RFX1: variants seen among roughly 807,000 people sequenced by gnomAD.
RFX1 encodes regulatory factor X1, also known as MHC class II regulatory factor RFX1.
Under a neutral mutation model 119.6 loss-of-function variants are expected in RFX1, and 42 were observed. The observed-to-expected ratio is 0.35, with a 90% CI of 0.27 to 0.45. The LOEUF (loss-of-function observed/expected upper bound fraction) is 0.45, where lower values mean the gene tolerates loss of function less well. Ranked by LOEUF, RFX1 falls within the 20% of genes least tolerant of loss-of-function variation. The pLI, the probability that RFX1 is intolerant of heterozygous loss-of-function variation, is 1.00. For synonymous variants in RFX1, 628 were observed against 618.5 expected (o/e 1.02, Z -0.23); for missense variants, 1,118 against 1,368.1 (o/e 0.82, Z 2.88).
intron 1 of RFX1, among the ~76,000 whole-genome samples, chr19:14,002,630 A>G (rs550781589): frequency 5.3e-5 from 8 of 152,204 alleles, no homozygotes; most frequent in Non-Finnish European, 1.0e-4. Flanking sequence ...CAGTCTATCA[A>G]CTGCTGAGAC....
At chr19:13,977,015 A>AT (rs1491280547) in intron 8 of RFX1, among the ~76,000 whole-genome samples, 1 of 149,206 alleles carries the variant, frequency 6.7e-6, no homozygotes. Context: ...AGAAAAAAAA[A>AT]GTCCAGTGCG....
Position 13,962,432 on chromosome 19 carries a change from C to A in RFX1, c.*263G>T, listed in dbSNP as rs534462937. On this transcript the variant is annotated 3_prime_UTR_variant, in exon 21 of 21. Coordinates refer to ENST00000254325, the MANE Select transcript of RFX1 (RefSeq NM_002918.5). ...CCTGGGAGGGGGGCGGCCAAGGGGC[C>A]GAGCTGGATGCCCCGCGGGGCACCT... is the stretch of plus-strand genomic sequence containing the variant. 8.2e-6 allele frequency: 4 copies of A among 489,152 alleles called. No homozygotes were observed. The highest frequency in any genetic ancestry group is 7.7e-5 in the East Asian group (2 of 26,098). The allele number at this position is 489,152 out of a possible 1,614,324, so 30.3% of individuals were successfully genotyped here.
At chr19:13,970,945 G>A (rs552904535) in intron 9 of RFX1, among the ~76,000 whole-genome samples, 28 of 151,892 alleles carry the variant, frequency 1.8e-4, no homozygotes, top group African/African-American at 5.8e-4. Context: ...AGGCTGCAGT[G>A]AGCCAAGATC....
rs1320295661 is a variant in RFX1, at chr19:13,966,696, C to T, written c.1788G>A (p.Leu596=). 6.2e-7 allele frequency: 1 copy of T among 1,611,726 alleles called. No individual in the cohort carries two copies. Among genetic ancestry groups the T allele is most frequent in the African/African-American group, 1.3e-5 (1 of 74,970 alleles). ...FTELDLQGKV[L]PEGVGPGDIK... ...TGTCCCCGGGCCCGACGCCCTCAGGCAGCACCTTGCCCTGGAGGTCGAGCT... is the reference window on the plus strand; with the variant it reads ...TGTCCCCGGGCCCGACGCCCTCAGGTAGCACCTTGCCCTGGAGGTCGAGCT... The change falls in exon 13 of 21, where the codon CTG becomes CTA. Residue 596 remains leucine (L), a synonymous_variant. Transcript: ENST00000254325. The surrounding 1 kb of genome is among the most constrained non-coding windows in gnomAD (Gnocchi z 6.3).
In RFX1 at chr19:13,983,606, G is replaced by A. The variant is rs771187898; in HGVS notation, c.320-11C>T. ...CCCGCATGGCACCTTCTGTGGGGAG[G>A]GGCCACCAGGTCAGTTCTTCCTGCT... On this transcript the variant is annotated splice_polypyrimidine_tract_variant and intron_variant, in intron 2 of 20. Transcript: ENST00000254325. The A allele has an allele frequency of 6.3e-7, 1 of 1,584,226 alleles. No homozygotes were observed. The highest frequency in any genetic ancestry group is 8.6e-7 in the Non-Finnish European group (1 of 1,167,288).
rs893759360 is a variant in RFX1, at chr19:13,986,153, C to T, written c.320-2558G>A. Reference sequence around the variant, plus strand: ...GTGACCGGCACTGCACACCTGGGTCCGTGGGGTCCAAGGACTCAGGCCCAG... The same window carrying T: ...GTGACCGGCACTGCACACCTGGGTCTGTGGGGTCCAAGGACTCAGGCCCAG... On this transcript the variant is annotated intron_variant, in intron 2 of 20. Coordinates refer to ENST00000254325, the MANE Select transcript of RFX1 (RefSeq NM_002918.5). The surrounding 1 kb of genome is among the most constrained non-coding windows in gnomAD (Gnocchi z 4.2). Among the ~76,000 whole-genome samples the T allele has an allele frequency of 1.1e-4, 17 of 152,310 alleles. No homozygotes were observed. The highest frequency in any genetic ancestry group is 2.4e-4 in the African/African-American group (10 of 41,572).
At chr19:13,981,674 G>A (rs1282669916) in intron 5 of RFX1, among the ~76,000 whole-genome samples, 1 of 152,146 alleles carries the variant, frequency 6.6e-6, no homozygotes, top group Non-Finnish European at 1.5e-5. Flanking sequence ...ATCTGACCCC[G>A]AGCTCCTGAT....
chr19:13,966,826 G>T lies in RFX1; in HGVS notation c.1733-75C>A. The T allele has an allele frequency of 1.0e-6, 1 of 1,000,948 alleles. No homozygotes were observed. Among genetic ancestry groups the T allele is most frequent in the Non-Finnish European group, 1.5e-6 (1 of 676,158 alleles). 62.0% of individuals were successfully genotyped at this position (1,000,948 alleles called of 1,614,324 possible). ...ACCCTGGGGTCCTACTGACCTGTCCGTTTCCCATCAGACTGGGGTCCCCCA... is the reference window on the plus strand; with the variant it reads ...ACCCTGGGGTCCTACTGACCTGTCCTTTTCCCATCAGACTGGGGTCCCCCA... On this transcript the variant is annotated intron_variant, in intron 12 of 20. Transcript: ENST00000254325. The surrounding 1 kb of genome is among the most constrained non-coding windows in gnomAD (Gnocchi z 6.3).
Position 13,969,012 on chromosome 19 carries a change from C to T in RFX1, c.1497-118G>A, listed in dbSNP as rs1276844932. On this transcript the variant is annotated intron_variant, in intron 10 of 20. Coordinates refer to ENST00000254325, the MANE Select transcript of RFX1 (RefSeq NM_002918.5). The surrounding 1 kb of genome is among the most constrained non-coding windows in gnomAD (Gnocchi z 4.5). ...AGGAGAATGGATAGAGAGACGCCTG[C>T]CCTGCAGAGACGGGGGTGCTGCACT... 2 of 1,184,204 alleles carry T rather than the reference C, an allele frequency of 1.7e-6. No individual in the cohort carries two copies. The highest frequency in any genetic ancestry group is 2.6e-5 in the East Asian group (1 of 38,830). The allele number at this position is 1,184,204 out of a possible 1,614,324, so 73.4% of individuals were successfully genotyped here. A position where few individuals can be genotyped will look rare whatever the true frequency, so the allele number is the denominator to read the frequency against.
intron 18 of RFX1, 47 bp from the exon 19 acceptor site, chr19:13,963,322 A>ACCCCCTCT: frequency 1.3e-6 from 2 of 1,558,436 alleles, no homozygotes; most frequent in Non-Finnish European, 1.7e-6. Flanking sequence ...GTCCGGCCCG[A>ACCCCCTCT]CCCCCTCTCC....
At chr19:13,978,239 G>A (rs1273331305) in intron 7 of RFX1, among the ~76,000 whole-genome samples, 153 bp from the exon 8 acceptor site, 1 of 152,202 alleles carries the variant, frequency 6.6e-6, no homozygotes, top group Non-Finnish European at 1.5e-5. Context: ...CCCTGGAGGA[G>A]GCCAGGGCTG....
chr19:13,965,555 G>A lies in RFX1; in HGVS notation c.2114-9C>T, dbSNP rs759582073. 9 of 1,613,386 alleles carry A rather than the reference G, an allele frequency of 5.6e-6. No individual in the cohort carries two copies. The highest frequency in any genetic ancestry group is 2.7e-5 in the African/African-American group (2 of 75,008). On this transcript the variant is annotated splice_polypyrimidine_tract_variant and intron_variant, in intron 15 of 20. Transcript: ENST00000254325. This position sits in a 1 kb window ranked among gnomAD's most constrained non-coding sequence, Gnocchi z 4.7. ...CGCTTGGGTCAAGGCACCTGTGGGC[G>A]GTGGCGGGGGTCGGTCAGGGCAGGG...
intron 5 of RFX1, among the ~76,000 whole-genome samples, chr19:13,981,102 A>G (rs11669756): frequency 0.12 from 18,504 of 152,112 alleles, 1,279 homozygotes; most frequent in Middle Eastern, 0.16. Flanking sequence ...CCACTTCCCA[A>G]TGGAGGGGCA....
At chr19:13,982,543 C>T (rs886581518) in intron 4 of RFX1, among the ~76,000 whole-genome samples, 1 of 152,164 alleles carries the variant, frequency 6.6e-6, no homozygotes, top group Non-Finnish European at 1.5e-5. Context: ...GTGGCTCACA[C>T]CTGTAATCCC....
chr19:13,969,679 C>A lies in RFX1; in HGVS notation c.1496+315G>T, dbSNP rs1017795675. 3 of 269,314 alleles carry A rather than the reference C, an allele frequency of 1.1e-5. No individual in the cohort carries two copies. The highest frequency in any genetic ancestry group is 1.4e-5 in the Non-Finnish European group (2 of 142,656). 16.7% of individuals were successfully genotyped at this position (269,314 alleles called of 1,614,324 possible). A position where few individuals can be genotyped will look rare whatever the true frequency, so the allele number is the denominator to read the frequency against. ...TGTCTCCAAAAAAAAAAAAAAGTCA[C>A]GTGTGAGCGTGCTGAATGCTAAAGA... is the stretch of plus-strand genomic sequence containing the variant. On this transcript the variant is annotated intron_variant, in intron 10 of 20. Coordinates refer to ENST00000254325, the MANE Select transcript of RFX1 (RefSeq NM_002918.5). The surrounding 1 kb of genome is among the most constrained non-coding windows in gnomAD (Gnocchi z 4.5).
intron 2 of RFX1, among the ~76,000 whole-genome samples, chr19:13,992,077 T>C (rs1216756566): frequency 6.6e-6 from 1 of 151,602 alleles, no homozygotes; most frequent in African/African-American, 2.4e-5. Flanking sequence ...CCATTCCCAC[T>C]CTGAGAAGGA....
intron 5 of RFX1, among the ~76,000 whole-genome samples, chr19:13,981,107 G>A (rs1378412955): frequency 6.6e-6 from 1 of 152,226 alleles, no homozygotes; most frequent in African/African-American, 2.4e-5. Context: ...TCCCAATGGA[G>A]GGGCAGAGGG....
intron 7 of RFX1, among the ~76,000 whole-genome samples, chr19:13,978,318 G>A (rs979518801): frequency 1.3e-5 from 2 of 152,356 alleles, no homozygotes; most frequent in African/African-American, 2.4e-5. Context: ...CAAGGGTGGG[G>A]CCTGACGGAC....
At chr19:13,994,714 T>TAG (rs1974928271) in intron 1 of RFX1, among the ~76,000 whole-genome samples, 1 of 111,208 alleles carries the variant, frequency 9.0e-6, no homozygotes, top group Admixed American at 1.0e-4. Context: ...TCTGTCTAAA[T>TAG]ATATATGTGT....
Sources: allele counts gnomAD v4.1 joint callset (sites outside exome capture counted in the v4.1 genomes callset), GRCh38; gene constraint gnomAD v4.1.1; non-coding constraint Gnocchi (gnomAD v3.1); transcripts MANE v1.5; gene names NCBI Gene and HGNC (gene_info 2026-07-23, HGNC 2026-07-21).